Variants in ALDH1A3 observed in about 807,000 individuals in gnomAD.
The protein encoded by ALDH1A3 is aldehyde dehydrogenase 1 family member A3, also known as retinaldehyde dehydrogenase 3.
A neutral mutation model predicts 57.5 loss-of-function variants in ALDH1A3; 28 were observed. The observed-to-expected ratio is 0.49, with a 90% CI of 0.36 to 0.67. The LOEUF (loss-of-function observed/expected upper bound fraction) is 0.67. Among genes scored for constraint, ALDH1A3 ranks in the 30% least tolerant of loss-of-function variants. The probability of loss-of-function intolerance (pLI) is 0.00; values close to 1 mark genes in which losing one functional copy is unlikely to be tolerated. For missense variants in ALDH1A3, 507 were observed against 669.4 expected (o/e 0.76, Z 2.68); for synonymous variants, 281 against 264.8 (o/e 1.06, Z -0.59).
At chr15:100,880,146 G>A in intron 1 of ALDH1A3, 140 bp downstream of exon 1, 1 of 509,660 alleles carries the variant, frequency 2.0e-6, no homozygotes, top group Non-Finnish European at 3.0e-6. Context: ...CCCGGGCGCG[G>A]CTCTCCAGAA....
chr15:100,890,987 AAC>A (rs2041643000), intron 3 of ALDH1A3, among the ~76,000 whole-genome samples: 1 of 152,168 alleles, frequency 6.6e-6, no homozygotes, highest in Non-Finnish European at 1.5e-5. Flanking sequence ...CTGGGGGCAG[AAC>A]ACACACCCCA....
chr15:100,887,778 G>A lies in ALDH1A3; in HGVS notation c.345+66G>A, dbSNP rs2041611373. The A allele has an allele frequency of 2.0e-6, 3 of 1,492,966 alleles. No homozygotes were observed. The highest frequency in any genetic ancestry group is 1.8e-6 in the Non-Finnish European group (2 of 1,116,926). The allele number at this position is 1,492,966 out of a possible 1,614,324, so 92.5% of individuals were successfully genotyped here. ...CCTCACTGAGGGTCCTGTCCACCATGGGGTATGGGAAAAAAGATCACGGTC... is the reference window on the plus strand; with the variant it reads ...CCTCACTGAGGGTCCTGTCCACCATAGGGTATGGGAAAAAAGATCACGGTC... On this transcript the variant is annotated intron_variant, in intron 3 of 12. Transcript: ENST00000329841. This position sits in a 1 kb window ranked among gnomAD's most constrained non-coding sequence, Gnocchi z 4.6.
chr15:100,904,432 C>G (rs1049794271), intron 9 of ALDH1A3, among the ~76,000 whole-genome samples: 1 of 152,218 alleles, frequency 6.6e-6, no homozygotes, highest in Non-Finnish European at 1.5e-5. Flanking sequence ...GCCCTCTCTC[C>G]TGCTCCTCCA....
intron 3 of ALDH1A3, among the ~76,000 whole-genome samples, chr15:100,888,281 CAG>C (rs2041616515): frequency 6.6e-6 from 1 of 151,824 alleles, no homozygotes; most frequent in African/African-American, 2.4e-5. Context: ...ATATTTGTAA[CAG>C]AGACAGGGTT....
intron 1 of ALDH1A3, among the ~76,000 whole-genome samples, chr15:100,884,828 C>T (rs548337157): frequency 3.3e-5 from 5 of 152,064 alleles, no homozygotes; most frequent in African/African-American, 7.2e-5. Context: ...AGGGAGTGCT[C>T]GGTGCGTCCT....
chr15:100,901,180 GGA>G (rs1446645570), intron 9 of ALDH1A3, among the ~76,000 whole-genome samples: 1 of 152,192 alleles, frequency 6.6e-6, no homozygotes, highest in African/African-American at 2.4e-5. Flanking sequence ...AATCCCAGAC[GGA>G]GAGAGCCTGG....
chr15:100,916,187 C>T lies in ALDH1A3; in HGVS notation c.*1414C>T, dbSNP rs2041928477. 6.6e-6 allele frequency: 1 copy of T among 152,136 alleles called. No individual in the cohort carries two copies. The highest frequency in any genetic ancestry group is 1.9e-4 in the East Asian group (1 of 5,198). 9.4% of individuals were successfully genotyped at this position (152,136 alleles called of 1,614,324 possible). On this transcript the variant is annotated 3_prime_UTR_variant, in exon 13 of 13. Coordinates refer to ENST00000329841, the MANE Select transcript of ALDH1A3 (RefSeq NM_000693.4). Reference sequence around the variant, plus strand: ...TCACCCTTGTCAGAGATATAAATTACCACATTTGCCTTCCCTTCATCAGCT... The same window carrying T: ...TCACCCTTGTCAGAGATATAAATTATCACATTTGCCTTCCCTTCATCAGCT...
intron 9 of ALDH1A3, among the ~76,000 whole-genome samples, chr15:100,903,241 G>A (rs57216379): frequency 4.2e-5 from 6 of 143,640 alleles, no homozygotes; most frequent in Non-Finnish European, 6.0e-5. Flanking sequence ...GAATGTTTTC[G>A]TGTGCATGCA....
At chr15:100,885,881 T>C (rs2041590155) in intron 2 of ALDH1A3, among the ~76,000 whole-genome samples, 1 of 152,188 alleles carries the variant, frequency 6.6e-6, no homozygotes, top group African/African-American at 2.4e-5. Context: ...TACATGAGCA[T>C]GGAAAGCGGT....
At chr15:100,888,805 G>A (rs1288191775) in intron 3 of ALDH1A3, 1 of 152,168 alleles carries the variant, frequency 6.6e-6, no homozygotes, top group Admixed American at 6.5e-5. Flanking sequence ...AAGATTCTAG[G>A]CAGAGTCCCT....
intron 3 of ALDH1A3, among the ~76,000 whole-genome samples, chr15:100,890,894 C>A (rs1366858046): frequency 6.6e-6 from 1 of 152,176 alleles, no homozygotes; most frequent in Non-Finnish European, 1.5e-5. Flanking sequence ...TGAAAGTTCA[C>A]GCTTGAGTGA....
chr15:100,907,556 G>T lies in ALDH1A3; in HGVS notation c.1391+278G>T, dbSNP rs907326634. Reference sequence around the variant, plus strand: ...GAGGGCTCCAGTACCTGTGCCTGTGGCCCCTGTGCTGTACTGCCCCTCCAA... The same window carrying T: ...GAGGGCTCCAGTACCTGTGCCTGTGTCCCCTGTGCTGTACTGCCCCTCCAA... On this transcript the variant is annotated intron_variant, in intron 11 of 12. Transcript: ENST00000329841. 1.5e-4 allele frequency among the ~76,000 whole-genome samples: 23 copies of T among 152,286 alleles called. No homozygotes were observed. In the East Asian group the frequency reaches 3.1e-3, roughly 20 times the overall value.
At chr15:100,912,122 A>C (rs1042186351) in intron 12 of ALDH1A3, among the ~76,000 whole-genome samples, 2 of 152,154 alleles carry the variant, frequency 1.3e-5, no homozygotes, top group African/African-American at 4.8e-5. Flanking sequence ...ACTTTTGTGT[A>C]TTTCCAAGGG....
chr15:100,884,602 T>C (rs944598845), intron 1 of ALDH1A3, among the ~76,000 whole-genome samples: 1 of 152,034 alleles, frequency 6.6e-6, no homozygotes, highest in Non-Finnish European at 1.5e-5. Context: ...AACTTTTATT[T>C]TAAGTTCTAG....
chr15:100,901,369 GA>G (rs1231145542), intron 9 of ALDH1A3, among the ~76,000 whole-genome samples: 1 of 152,186 alleles, frequency 6.6e-6, no homozygotes, highest in Non-Finnish European at 1.5e-5. Context: ...ATATTTAAAA[GA>G]GGGCAGCCTG....
At chr15:100,911,422 A>G (rs1163111468) in intron 12 of ALDH1A3, among the ~76,000 whole-genome samples, 3 of 152,232 alleles carry the variant, frequency 2.0e-5, no homozygotes, top group Admixed American at 2.0e-4. Context: ...AATCTACGCA[A>G]TAGAGATATG....
At position 100,897,423 on chromosome 15, in the gene ALDH1A3, A is replaced by G. The variant is rs2041715919; in HGVS notation, c.781-660A>G. Reference sequence around the variant, plus strand: ...TCATGCTGGGCCAGCCCTCCCCTCCAGGGGTACAGTGGGCAATGGGAGAGA... The same window carrying G: ...TCATGCTGGGCCAGCCCTCCCCTCCGGGGGTACAGTGGGCAATGGGAGAGA... On this transcript the variant is annotated intron_variant, in intron 7 of 12. Transcript: ENST00000329841. Among the ~76,000 whole-genome samples the G allele has an allele frequency of 2.6e-5, 4 of 152,208 alleles. No individual in the cohort carries two copies. In the South Asian group the frequency reaches 8.3e-4, roughly 32 times the overall value.
intron 9 of ALDH1A3, among the ~76,000 whole-genome samples, chr15:100,901,695 A>G (rs1484726002): frequency 1.3e-5 from 2 of 152,230 alleles, no homozygotes; most frequent in African/African-American, 4.8e-5. Context: ...GAAGTATTCA[A>G]TTATGGGCAG....
rs2041825106 is a variant in ALDH1A3 at position 100,906,653 on chromosome 15, A to G, written c.1234-468A>G. ...CACAAACTGTGGTGAATATTGTGTC[A>G]TTCCTTCCCCTGGTAGTTATTATGG... On this transcript the variant is annotated intron_variant, in intron 10 of 12. Coordinates refer to ENST00000329841, the MANE Select transcript of ALDH1A3 (RefSeq NM_000693.4). The surrounding 1 kb of genome is among the most constrained non-coding windows in gnomAD (Gnocchi z 4.8). Among the ~76,000 whole-genome samples the G allele has an allele frequency of 6.6e-6, 1 of 152,148 alleles. No individual in the cohort carries two copies. Among genetic ancestry groups the G allele is most frequent in the Non-Finnish European group, 1.5e-5 (1 of 68,030 alleles).
Sources: allele counts gnomAD v4.1 joint callset (sites outside exome capture counted in the v4.1 genomes callset), GRCh38; gene constraint gnomAD v4.1.1; non-coding constraint Gnocchi (gnomAD v3.1); transcripts MANE v1.5; gene names NCBI Gene and HGNC (gene_info 2026-07-23, HGNC 2026-07-21).